CD38: variants seen among roughly 807,000 people sequenced by gnomAD.
CD38 encodes ADP-ribosyl cyclase/cyclic ADP-ribose hydrolase 1.
In CD38, 31 loss-of-function variants were observed where a neutral mutation model predicts 36.3. That is an observed-to-expected ratio of 0.85 (90% confidence interval 0.64 to 1.15). The LOEUF (loss-of-function observed/expected upper bound fraction) is 1.15. CD38 is among the 50% of genes most tolerant of loss of function. The pLI is 0.00. For missense variants in CD38, 380 were observed against 371.9 expected (o/e 1.02, Z -0.18); for synonymous variants, 131 against 135.2 (o/e 0.97, Z 0.22).
Position 15,778,919 on chromosome 4 carries a change from T to G in CD38, c.233+272T>G. Among the ~76,000 whole-genome samples, 1 of 152,174 alleles carries G rather than the reference T, an allele frequency of 6.6e-6. No individual in the cohort carries two copies. The highest frequency in any genetic ancestry group is 2.4e-5 in the African/African-American group (1 of 41,542). ...GTAGCCGGTGAACACTTGGCACCGATGCCCGCCTTCTGGGCAAGGTGCCCT... is the reference window on the plus strand; with the variant it reads ...GTAGCCGGTGAACACTTGGCACCGAGGCCCGCCTTCTGGGCAAGGTGCCCT... On this transcript the variant is annotated intron_variant, in intron 1 of 7. Transcript: ENST00000226279. This position sits in a 1 kb window ranked among gnomAD's most constrained non-coding sequence, Gnocchi z 4.9.
intron 7 of CD38, 21 bp downstream of exon 7, chr4:15,840,559 G>T: frequency 1.5e-6 from 2 of 1,362,010 alleles, no homozygotes; most frequent in Non-Finnish European, 2.1e-6. Context: ...TCTTCTTGAA[G>T]AAAAAAATGA....
intron 4 of CD38, 86 bp from the exon 5 acceptor site, chr4:15,838,006 C>G: frequency 9.6e-7 from 1 of 1,041,006 alleles, no homozygotes; most frequent in South Asian, 1.3e-5. Flanking sequence ...CCTTAACCAG[C>G]TATTGCTAAG....
chr4:15,790,569 C>T (rs1337680033), intron 1 of CD38, among the ~76,000 whole-genome samples: 5 of 152,092 alleles, frequency 3.3e-5, no homozygotes, highest in South Asian at 2.1e-4. Flanking sequence ...CCCAAAGTGC[C>T]GAGATTGCAG....
chr4:15,800,589 A>G (rs1179640302), intron 1 of CD38, among the ~76,000 whole-genome samples: 3 of 152,170 alleles, frequency 2.0e-5, no homozygotes, highest in Non-Finnish European at 4.4e-5. Flanking sequence ...TTTTTGAAGT[A>G]TGTGTTCAAA....
intron 1 of CD38, among the ~76,000 whole-genome samples, chr4:15,811,282 A>C (rs1723463759): frequency 6.6e-6 from 1 of 152,106 alleles, no homozygotes; most frequent in Non-Finnish European, 1.5e-5. Flanking sequence ...ATAAAGTGTA[A>C]TTTATGTATT....
At chr4:15,799,390 T>C (rs928047033) in intron 1 of CD38, among the ~76,000 whole-genome samples, 2 of 152,222 alleles carry the variant, frequency 1.3e-5, no homozygotes, top group Non-Finnish European at 2.9e-5. Flanking sequence ...CACTGCCACG[T>C]TGTTTAAATT....
chr4:15,786,304 G>A (rs1722828100), intron 1 of CD38, among the ~76,000 whole-genome samples: 1 of 152,190 alleles, frequency 6.6e-6, no homozygotes, highest in African/African-American at 2.4e-5. Flanking sequence ...AGGGCTGATT[G>A]GTCTGTTTTA....
chr4:15,806,139 C>T (rs1286808628), intron 1 of CD38, among the ~76,000 whole-genome samples: 1 of 152,194 alleles, frequency 6.6e-6, no homozygotes, highest in Non-Finnish European at 1.5e-5. Context: ...TGACCGCAGA[C>T]AAATTGGATT....
At chr4:15,828,142 G>C (rs1577655727) in intron 3 of CD38, among the ~76,000 whole-genome samples, 1 of 152,058 alleles carries the variant, frequency 6.6e-6, no homozygotes, top group Non-Finnish European at 1.5e-5. Context: ...AGCCTCCCAG[G>C]TAGCTGGGAC....
At chr4:15,783,928 C>A (rs1001190748) in intron 1 of CD38, among the ~76,000 whole-genome samples, 6 of 152,158 alleles carry the variant, frequency 3.9e-5, no homozygotes, top group African/African-American at 1.4e-4. Flanking sequence ...TTTATGCAAA[C>A]ACTTAGCAAA....
intron 7 of CD38, 63 bp from the exon 8 acceptor site, chr4:15,848,476 G>A: frequency 7.8e-7 from 1 of 1,280,830 alleles, no homozygotes; most frequent in Non-Finnish European, 1.1e-6. Flanking sequence ...TCCTCCATTA[G>A]CGAATTGGAC....
intron 1 of CD38, among the ~76,000 whole-genome samples, chr4:15,785,539 C>CTTTCT (rs564219113): frequency 6.5e-4 from 96 of 147,828 alleles, no homozygotes; most frequent in South Asian, 8.5e-4. Flanking sequence ...CGTTCCTTTT[C>CTTTCT]TTTTTTTTTT....
chr4:15,847,683 T>C (rs1374710635), intron 7 of CD38, among the ~76,000 whole-genome samples: 2 of 111,228 alleles, frequency 1.8e-5, no homozygotes, highest in Non-Finnish European at 3.5e-5. Context: ...ATGGAGAAAA[T>C]AGAATAGTAG....
intron 4 of CD38, among the ~76,000 whole-genome samples, chr4:15,835,705 G>T (rs1724055711): frequency 6.6e-6 from 1 of 152,048 alleles, no homozygotes; most frequent in Non-Finnish European, 1.5e-5. Flanking sequence ...TAGAGACAGG[G>T]TTTCACTATG....
chr4:15,794,156 G>A (rs1723062107), intron 1 of CD38, among the ~76,000 whole-genome samples: 1 of 152,246 alleles, frequency 6.6e-6, no homozygotes, highest in Non-Finnish European at 1.5e-5. Context: ...TGCCCTGGAT[G>A]TGAATCATCC....
intron 1 of CD38, among the ~76,000 whole-genome samples, chr4:15,800,919 C>A (rs1227764779): frequency 6.6e-6 from 1 of 151,918 alleles, no homozygotes; most frequent in African/African-American, 2.4e-5. Context: ...AACCCCCAAA[C>A]TCCAAATTAG....
Position 15,801,777 on chromosome 4 carries a change from T to G in CD38, c.234-14734T>G, listed in dbSNP as rs550618993. On this transcript the variant is annotated intron_variant, in intron 1 of 7. Transcript: ENST00000226279. ...ATAAAAACTCTCAAACAATTAGGTTTAGAAGAAGGAACACACTTCATCTTA... is the reference window on the plus strand; with the variant it reads ...ATAAAAACTCTCAAACAATTAGGTTGAGAAGAAGGAACACACTTCATCTTA... Among the ~76,000 whole-genome samples, 31 of 152,264 alleles carry G rather than the reference T, an allele frequency of 2.0e-4. No individual in the cohort carries two copies. In the South Asian group the frequency reaches 5.4e-3, roughly 26 times the overall value.
intron 1 of CD38, among the ~76,000 whole-genome samples, chr4:15,792,663 G>A (rs6449189): frequency 0.43 from 65,017 of 151,574 alleles, 16,047 homozygotes; most frequent in African/African-American, 0.69. Flanking sequence ...ACTTTAAAGC[G>A]AATTCCAGAG....
chr4:15,840,490 C>T lies in CD38; in HGVS notation c.791C>T (p.Ser264Leu), dbSNP rs772248233. 5.4e-5 allele frequency: 86 copies of T among 1,605,276 alleles called. No homozygotes were observed. The East Asian group carries it at 1.4e-3, about 25-fold the overall frequency. ...CQDPTIKELE[S>L]IISKRNIQFS... is the part of the protein sequence containing the mutation. ...GATCCCACCATAAAAGAGCTGGAAT[C>T]GATTATAAGCAAAAGGAATATTCAA... Residue 264 changes from serine (S) to leucine (L), a missense_variant, in exon 7 of 8, where the codon TCG becomes TTG. Ser to Leu is a moderately radical substitution (Grantham distance 145). Transcript: ENST00000226279.
Sources: allele counts gnomAD v4.1 joint callset (sites outside exome capture counted in the v4.1 genomes callset), GRCh38; gene constraint gnomAD v4.1.1; non-coding constraint Gnocchi (gnomAD v3.1); transcripts MANE v1.5; gene names NCBI Gene and HGNC (gene_info 2026-07-23, HGNC 2026-07-21).